GALNTL6: variants seen among roughly 807,000 people sequenced by gnomAD.
GALNTL6 encodes polypeptide N-acetylgalactosaminyltransferase like 6.
Under a neutral mutation model 73.7 loss-of-function variants are expected in GALNTL6, and 46 were observed. That is an observed-to-expected ratio of 0.62 (90% confidence interval 0.49 to 0.80). The LOEUF (loss-of-function observed/expected upper bound fraction) is 0.80, where lower values mean the gene tolerates loss of function less well. GALNTL6 is among the 30% of genes least tolerant of loss of function. The pLI is 0.00. For synonymous variants in GALNTL6, 259 were observed against 263.7 expected, an observed-to-expected ratio of 0.98 and a Z score of 0.17; for missense variants, 604 against 755.0, an observed-to-expected ratio of 0.80 and a Z score of 2.34.
At chr4:171,901,713 C>A (rs1737103816) in intron 2 of GALNTL6, among the ~76,000 whole-genome samples, 1 of 152,124 alleles carries the variant, frequency 6.6e-6, no homozygotes, top group African/African-American at 2.4e-5. Context: ...ATTTGTTTTA[C>A]AATTCTAAAC....
intron 5 of GALNTL6, among the ~76,000 whole-genome samples, chr4:172,801,661 T>C (rs181865777): frequency 6.6e-6 from 1 of 152,228 alleles, no homozygotes; most frequent in African/African-American, 2.4e-5. Flanking sequence ...CCATGGTGAA[T>C]ACATAGGTGC....
intron 2 of GALNTL6, among the ~76,000 whole-genome samples, chr4:171,976,674 T>G (rs981783468): frequency 6.6e-6 from 1 of 152,210 alleles, no homozygotes; most frequent in African/African-American, 2.4e-5. Context: ...TCAAGATTTT[T>G]GGGGTAAAGA....
At chr4:172,273,323 AC>A (rs1402718254) in intron 3 of GALNTL6, among the ~76,000 whole-genome samples, 4 of 152,008 alleles carry the variant, frequency 2.6e-5, no homozygotes, top group Non-Finnish European at 5.9e-5. Flanking sequence ...GGGCCATACC[AC>A]CCCCAAGTAG....
At chr4:172,670,938 T>C (rs1731940850) in intron 5 of GALNTL6, among the ~76,000 whole-genome samples, 1 of 152,162 alleles carries the variant, frequency 6.6e-6, no homozygotes, top group Non-Finnish European at 1.5e-5. Context: ...TTTGTCAGGT[T>C]TGTTGAAGAT....
chr4:171,961,659 A>T (rs1367289058), intron 2 of GALNTL6, among the ~76,000 whole-genome samples: 1 of 152,216 alleles, frequency 6.6e-6, no homozygotes, highest in Non-Finnish European at 1.5e-5. Flanking sequence ...ATTAGATTTC[A>T]GTTTCATCAG....
chr4:172,672,967 A>C (rs1248691286), intron 5 of GALNTL6, among the ~76,000 whole-genome samples: 1 of 152,138 alleles, frequency 6.6e-6, no homozygotes, highest in Non-Finnish European at 1.5e-5. Context: ...TTTTTCAAAA[A>C]ATGAGCTTCT....
chr4:172,148,846 G>T (rs998206142), intron 2 of GALNTL6, among the ~76,000 whole-genome samples: 1 of 152,102 alleles, frequency 6.6e-6, no homozygotes, highest in Non-Finnish European at 1.5e-5. Context: ...TTATAATTTA[G>T]AATTACTTTA....
Position 171,980,298 on chromosome 4 carries a change from G to T in GALNTL6, c.138+165580G>T, listed in dbSNP as rs1429059244. 2.0e-5 allele frequency among the ~76,000 whole-genome samples: 3 copies of T among 152,122 alleles called. No individual in the cohort carries two copies. In the South Asian group the frequency reaches 6.2e-4, roughly 32 times the overall value. On this transcript the variant is annotated intron_variant, in intron 2 of 12. Transcript: ENST00000506823. Reference sequence around the variant, plus strand: ...GAGCACAGTTTAAGTGATACCTCTGGTTAAGATAACATTAAGAAATTCGTT... The same window carrying T: ...GAGCACAGTTTAAGTGATACCTCTGTTTAAGATAACATTAAGAAATTCGTT...
At chr4:172,246,989 T>TTTATAACA (rs1737684279) in intron 3 of GALNTL6, among the ~76,000 whole-genome samples, 1 of 152,098 alleles carries the variant, frequency 6.6e-6, no homozygotes, top group Non-Finnish European at 1.5e-5. Flanking sequence ...CAGGTTAACA[T>TTTATAACA]TTATAACACA....
At chr4:172,007,960 C>T (rs996651904) in intron 2 of GALNTL6, among the ~76,000 whole-genome samples, 7 of 151,932 alleles carry the variant, frequency 4.6e-5, no homozygotes, top group Admixed American at 2.0e-4. Context: ...TTCCTTACAC[C>T]TGAACTGAGG....
At chr4:172,982,084 C>T (rs544262696) in intron 10 of GALNTL6, among the ~76,000 whole-genome samples, 20 of 152,248 alleles carry the variant, frequency 1.3e-4, no homozygotes, top group Admixed American at 4.6e-4. Flanking sequence ...CATGAACCAC[C>T]GCACCCGGCC....
intron 5 of GALNTL6, among the ~76,000 whole-genome samples, chr4:172,485,114 C>T (rs1733622005): frequency 6.6e-6 from 1 of 152,018 alleles, no homozygotes; most frequent in South Asian, 2.1e-4. Context: ...GGCACATATG[C>T]AAATGGAGAA....
intron 5 of GALNTL6, among the ~76,000 whole-genome samples, chr4:172,481,176 T>C (rs1172904112): frequency 1.3e-5 from 2 of 152,096 alleles, no homozygotes; most frequent in Non-Finnish European, 2.9e-5. Context: ...GGAGTGAAGC[T>C]GCAGACCTTC....
intron 2 of GALNTL6, among the ~76,000 whole-genome samples, chr4:172,180,768 A>T (rs1735216578): frequency 6.6e-6 from 1 of 152,036 alleles, no homozygotes; most frequent in South Asian, 2.1e-4. Flanking sequence ...TAGATGTGTG[A>T]CATTACTTCT....
intron 5 of GALNTL6, among the ~76,000 whole-genome samples, chr4:172,761,191 G>T (rs1215001425): frequency 6.6e-6 from 1 of 152,170 alleles, no homozygotes; most frequent in East Asian, 1.9e-4. Context: ...GGTACAAGTT[G>T]CAGAATTTAC....
At chr4:171,900,336 C>T (rs144620621) in intron 2 of GALNTL6, among the ~76,000 whole-genome samples, 4 of 152,228 alleles carry the variant, frequency 2.6e-5, no homozygotes, top group East Asian at 1.9e-4. Context: ...GAGACAGAGT[C>T]TCACTCTGTT....
intron 5 of GALNTL6, among the ~76,000 whole-genome samples, chr4:172,540,251 A>G (rs927745522): frequency 6.6e-6 from 1 of 151,642 alleles, no homozygotes; most frequent in South Asian, 2.1e-4. Context: ...GGGTTTCACC[A>G]TTTTGGCCTC....
At chr4:172,589,843 C>G (rs537237744) in intron 5 of GALNTL6, among the ~76,000 whole-genome samples, 22 of 152,266 alleles carry the variant, frequency 1.4e-4, no homozygotes, top group Non-Finnish European at 2.5e-4. Flanking sequence ...CTCTCTCTCT[C>G]TGTCTCTCTC....
rs73871876 is a variant in GALNTL6, at chr4:172,836,853, C to T, written c.923+23130C>T. On this transcript the variant is annotated intron_variant, in intron 7 of 12. Transcript: ENST00000506823. Reference sequence around the variant, plus strand: ...TAAGGAACATTGATGATCTAATTGCCGAGCTGTAATTCTGTATTCTGTCCC... The same window carrying T: ...TAAGGAACATTGATGATCTAATTGCTGAGCTGTAATTCTGTATTCTGTCCC... Among the ~76,000 whole-genome samples, 756 of 152,096 alleles carry T rather than the reference C, an allele frequency of 5.0e-3. 8 individuals carry two copies. The highest frequency in any genetic ancestry group is 0.018 in the African/African-American group (729 of 41,488).
Sources: gnomAD v4.1 joint callset for allele counts (sites outside exome capture counted in the v4.1 genomes callset) on GRCh38, gnomAD v4.1.1 for gene constraint, MANE v1.5 for transcripts, NCBI Gene and HGNC (gene_info 2026-07-23, HGNC 2026-07-21) for gene names.